The following ZCWPW2 variants were observed in gnomAD, a reference collection of about 807,000 sequenced individuals.
ZCWPW2 encodes zinc finger CW-type PWWP domain protein 2.
Under a neutral mutation model 46.6 loss-of-function variants are expected in ZCWPW2, and 45 were observed. The ratio of observed to expected loss-of-function variants is 0.96; its 90% confidence interval spans 0.76 to 1.24. The LOEUF is 1.24. Ranked by LOEUF, ZCWPW2 falls within the 50% of genes most tolerant of loss-of-function variation. The pLI is 0.00. For missense variants in ZCWPW2, 429 were observed against 403.9 expected (o/e 1.06, Z -0.53); for synonymous variants, 152 against 137.1 (o/e 1.11, Z -0.76).
chr3:28,443,728 G>A (rs1697863744), intron 4 of ZCWPW2, among the ~76,000 whole-genome samples: 1 of 152,130 alleles, frequency 6.6e-6, no homozygotes. Context: ...TTTTGTAGTT[G>A]AGTAACTGTG....
Position 28,349,077 on chromosome 3 carries a change from C to A in ZCWPW2, c.-260C>A, listed in dbSNP as rs1044941592. On this transcript the variant is annotated 5_prime_UTR_variant, in exon 1 of 10. Transcript: ENST00000383768. ...GGGAGCTGGGAGGGCGTTAGCGAAG[C>A]CAGGTTCGGTCGTGGGGGTGGGGAA... is the stretch of plus-strand genomic sequence containing the variant. The A allele has an allele frequency of 1.0e-6, 1 of 985,618 alleles. No individual in the cohort carries two copies. Among genetic ancestry groups the A allele is most frequent in the African/African-American group, 1.7e-5 (1 of 57,236 alleles). The allele number at this position is 985,618 out of a possible 1,614,324, so 61.1% of individuals were successfully genotyped here.
At chr3:28,506,180 A>C (rs1425386215) in intron 6 of ZCWPW2, among the ~76,000 whole-genome samples, 1 of 150,262 alleles carries the variant, frequency 6.7e-6, no homozygotes, top group African/African-American at 2.4e-5. Flanking sequence ...TTTTACACTC[A>C]ACAAGGAAAG....
intron 1 of ZCWPW2, among the ~76,000 whole-genome samples, chr3:28,369,475 T>C (rs1414986987): frequency 6.6e-6 from 1 of 152,176 alleles, no homozygotes; most frequent in Admixed American, 6.5e-5. Context: ...ACAGCAGATA[T>C]TGGTGAACAG....
rs553962313 is a variant in ZCWPW2, at chr3:28,485,277, T to C, written c.610+6346T>C. 1.6e-4 allele frequency among the ~76,000 whole-genome samples: 25 copies of C among 152,280 alleles called. No individual in the cohort carries two copies. The South Asian group carries it at 4.6e-3, about 28-fold the overall frequency. On this transcript the variant is annotated intron_variant, in intron 5 of 9. Coordinates refer to ENST00000383768, the MANE Select transcript of ZCWPW2 (RefSeq NM_001040432.4). ...GTCTGTGAGAGGACATTGTATTATA[T>C]CTATTCTTTTAAATGTGTTAAGGTA...
chr3:28,391,463 C>T (rs1319190032), intron 2 of ZCWPW2, among the ~76,000 whole-genome samples: 3 of 152,016 alleles, frequency 2.0e-5, no homozygotes, highest in Non-Finnish European at 4.4e-5. Flanking sequence ...GTCCAATTAA[C>T]AACATCCAGC....
chr3:28,372,743 A>G (rs531695752), intron 1 of ZCWPW2, among the ~76,000 whole-genome samples: 3 of 152,236 alleles, frequency 2.0e-5, no homozygotes, highest in Middle Eastern at 3.4e-3. Flanking sequence ...CATTGTATCC[A>G]ACAGGCAATT....
chr3:28,378,810 A>G (rs1429264232), intron 1 of ZCWPW2, among the ~76,000 whole-genome samples: 1 of 152,116 alleles, frequency 6.6e-6, no homozygotes, highest in Non-Finnish European at 1.5e-5. Context: ...GGATAAAGCA[A>G]TTAATAAGAT....
chr3:28,447,265 T>G (rs1028035687), intron 4 of ZCWPW2, among the ~76,000 whole-genome samples: 3 of 152,010 alleles, frequency 2.0e-5, no homozygotes, highest in Admixed American at 6.6e-5. Flanking sequence ...AACAAAATAC[T>G]AACAAACTTA....
chr3:28,496,238 A>G (rs138831820), intron 6 of ZCWPW2, among the ~76,000 whole-genome samples: 32 of 152,222 alleles, frequency 2.1e-4, no homozygotes, highest in Non-Finnish European at 2.2e-4. Flanking sequence ...GAAATTTGAG[A>G]TGGCTTTTGT....
At chr3:28,463,524 T>C (rs1031802803) in intron 4 of ZCWPW2, among the ~76,000 whole-genome samples, 25 of 152,292 alleles carry the variant, frequency 1.6e-4, no homozygotes, top group African/African-American at 6.0e-4. Flanking sequence ...ATAGATATAC[T>C]CAGATTTTAG....
At chr3:28,364,033 A>G (rs1304475682) in intron 1 of ZCWPW2, among the ~76,000 whole-genome samples, 2 of 152,154 alleles carry the variant, frequency 1.3e-5, no homozygotes, top group Admixed American at 1.3e-4. Flanking sequence ...ATACTGTCCT[A>G]ATCCATATTC....
At chr3:28,472,279 G>A (rs1699067208) in intron 4 of ZCWPW2, among the ~76,000 whole-genome samples, 1 of 152,114 alleles carries the variant, frequency 6.6e-6, no homozygotes, top group South Asian at 2.1e-4. Flanking sequence ...GCTATCCTAA[G>A]CAAAAGGAAC....
At chr3:28,359,811 C>G (rs1221650241) in intron 1 of ZCWPW2, among the ~76,000 whole-genome samples, 1 of 151,932 alleles carries the variant, frequency 6.6e-6, no homozygotes, top group Admixed American at 6.6e-5. Flanking sequence ...TTTTTTCCCC[C>G]TACACATTGT....
intron 1 of ZCWPW2, among the ~76,000 whole-genome samples, chr3:28,364,086 A>G (rs550592626): frequency 6.6e-6 from 1 of 152,334 alleles, no homozygotes; most frequent in Admixed American, 6.5e-5. Context: ...CAGTAAGATC[A>G]CTACACACCA....
intron 2 of ZCWPW2, among the ~76,000 whole-genome samples, chr3:28,396,727 A>G (rs999692307): frequency 2.6e-5 from 4 of 152,234 alleles, no homozygotes; most frequent in African/African-American, 9.6e-5. Context: ...CTTTGGAAGA[A>G]CAATCATTTT....
intron 2 of ZCWPW2, among the ~76,000 whole-genome samples, chr3:28,391,249 A>G (rs897914224): frequency 1.3e-5 from 2 of 152,162 alleles, no homozygotes; most frequent in African/African-American, 4.8e-5. Flanking sequence ...GTAGTCTGAT[A>G]CATGGTTAAA....
intron 6 of ZCWPW2, among the ~76,000 whole-genome samples, chr3:28,510,505 G>C (rs561577575): frequency 1.1e-4 from 16 of 152,020 alleles, no homozygotes; most frequent in Admixed American, 9.8e-4. Flanking sequence ...ACATAATGTT[G>C]AGCACTTAAT....
intron 4 of ZCWPW2, among the ~76,000 whole-genome samples, chr3:28,445,506 T>C (rs1219899671): frequency 1.3e-5 from 2 of 152,262 alleles, no homozygotes; most frequent in East Asian, 3.9e-4. Flanking sequence ...AACTTTAGGA[T>C]GTAATCCTCG....
chr3:28,502,179 T>G lies in ZCWPW2; in HGVS notation c.657+10006T>G, dbSNP rs548266691. 1.3e-5 allele frequency among the ~76,000 whole-genome samples: 2 copies of G among 152,230 alleles called. 1 individual carries two copies. Among genetic ancestry groups the G allele is most frequent in the South Asian group, 4.1e-4 (2 of 4,826 alleles). ...CATAACTAACCCTGCTTGATTAAAT[T>G]GCAAGATTTACCTCTTTTATCTTGA... is the stretch of plus-strand genomic sequence containing the variant. On this transcript the variant is annotated intron_variant, in intron 6 of 9. Coordinates refer to ENST00000383768, the MANE Select transcript of ZCWPW2 (RefSeq NM_001040432.4).
Sources: gnomAD v4.1 joint callset for allele counts (sites outside exome capture counted in the v4.1 genomes callset) on GRCh38, gnomAD v4.1.1 for gene constraint, MANE v1.5 for transcripts, NCBI Gene and HGNC (gene_info 2026-07-23, HGNC 2026-07-21) for gene names.